The following ADAMTS12 variants were observed in gnomAD, a reference collection of about 807,000 sequenced individuals.
ADAMTS12 encodes ADAM metallopeptidase with thrombospondin type 1 motif 12.
ADAMTS12 carries 118 observed loss-of-function variants against 167.8 expected under a neutral mutation model. The ratio of observed to expected loss-of-function variants is 0.70; its 90% confidence interval spans 0.61 to 0.82. The LOEUF (loss-of-function observed/expected upper bound fraction) is 0.82. Ranked by LOEUF, ADAMTS12 falls within the 40% of genes least tolerant of loss-of-function variation. The pLI is 0.00. For synonymous variants in ADAMTS12, 704 were observed against 716.9 expected, an observed-to-expected ratio of 0.98 and a Z score of 0.29; for missense variants, 1,916 against 1,998.8, an observed-to-expected ratio of 0.96 and a Z score of 0.79.
At chr5:33,531,223 C>T (rs1744084963) in intron 23 of ADAMTS12, among the ~76,000 whole-genome samples, 1 of 152,188 alleles carries the variant, frequency 6.6e-6, no homozygotes. Flanking sequence ...CTACTAATAC[C>T]TTGATTTTGG....
At chr5:33,650,573 G>A (rs1327661085) in intron 7 of ADAMTS12, among the ~76,000 whole-genome samples, 1 of 152,140 alleles carries the variant, frequency 6.6e-6, no homozygotes, top group Non-Finnish European at 1.5e-5. Flanking sequence ...CAGATCTTTG[G>A]CTCCTAACAC....
At chr5:33,676,162 G>C (rs1176476581) in intron 5 of ADAMTS12, among the ~76,000 whole-genome samples, 1 of 152,084 alleles carries the variant, frequency 6.6e-6, no homozygotes, top group African/African-American at 2.4e-5. Context: ...AGCTGACCTA[G>C]AAGAAATCAT....
chr5:33,538,678 T>C (rs2111772758), intron 22 of ADAMTS12, among the ~76,000 whole-genome samples: 1 of 152,254 alleles, frequency 6.6e-6, no homozygotes, highest in South Asian at 2.1e-4. Flanking sequence ...CACACAGTTT[T>C]TAGAAGCCTT....
At chr5:33,783,606 C>A (rs1487506681) in intron 2 of ADAMTS12, among the ~76,000 whole-genome samples, 2 of 151,792 alleles carry the variant, frequency 1.3e-5, no homozygotes, top group Non-Finnish European at 2.9e-5. Flanking sequence ...TAATTCTGTG[C>A]CAACAAATTA....
intron 22 of ADAMTS12, among the ~76,000 whole-genome samples, chr5:33,543,479 T>C (rs556602129): frequency 6.3e-4 from 96 of 152,164 alleles, no homozygotes; most frequent in Non-Finnish European, 5.7e-4. Flanking sequence ...TTCCAATCAA[T>C]AGAAAAAGAG....
intron 3 of ADAMTS12, among the ~76,000 whole-genome samples, chr5:33,740,482 C>CT (rs1299643941): frequency 6.6e-6 from 1 of 152,136 alleles, no homozygotes; most frequent in Non-Finnish European, 1.5e-5. Flanking sequence ...TGGGTGGTTC[C>CT]CAAGGGATTG....
Position 33,534,863 on chromosome 5 carries a change from A to C in ADAMTS12, c.4576T>G (p.Cys1526Gly), listed in dbSNP as rs1744298977. The C allele has an allele frequency of 6.2e-7, 1 of 1,613,774 alleles. No individual in the cohort carries two copies. The highest frequency in any genetic ancestry group is 8.5e-7 in the Non-Finnish European group (1 of 1,179,926). ...CTTTTCTTGCAGGCCTGCTGGTTGC[A>C]TTTTTTGAATTCTGGAGGTCTGGGT... ...HKPRPPEFKK[C>G]NQQACKKSAD... The change falls in exon 23 of 24, where the codon TGC (cysteine) becomes GGC (glycine). Residue 1526 changes from cysteine (C) to glycine (G), a missense_variant. By Grantham distance (159) the Cys-to-Gly change is radical. Transcript: ENST00000504830.
At chr5:33,718,043 C>T (rs543045754) in intron 3 of ADAMTS12, among the ~76,000 whole-genome samples, 1 of 152,298 alleles carries the variant, frequency 6.6e-6, no homozygotes, top group South Asian at 2.1e-4. Context: ...TCTCACGTAG[C>T]AGGTTGAATT....
At chr5:33,757,658 A>G (rs1745213062) in intron 2 of ADAMTS12, among the ~76,000 whole-genome samples, 1 of 152,246 alleles carries the variant, frequency 6.6e-6, no homozygotes, top group Non-Finnish European at 1.5e-5. Context: ...GAAAATGGAC[A>G]AAATGGGTTC....
chr5:33,869,930 T>G (rs894649348), intron 2 of ADAMTS12, among the ~76,000 whole-genome samples: 1 of 152,172 alleles, frequency 6.6e-6, no homozygotes, highest in Non-Finnish European at 1.5e-5. Context: ...TAGACACTCA[T>G]AGAGTGGCCA....
intron 12 of ADAMTS12, among the ~76,000 whole-genome samples, chr5:33,636,306 T>C (rs1050135050): frequency 1.3e-5 from 2 of 152,128 alleles, no homozygotes; most frequent in Admixed American, 1.3e-4. Flanking sequence ...TTTTAACAAA[T>C]CAAGAATGCG....
intron 19 of ADAMTS12, among the ~76,000 whole-genome samples, chr5:33,572,490 A>T (rs1403122880): frequency 6.6e-6 from 1 of 151,008 alleles, no homozygotes; most frequent in Non-Finnish European, 1.5e-5. Context: ...AGAACCAAAG[A>T]CAAAAACCAC....
chr5:33,861,464 A>G (rs12657153), intron 2 of ADAMTS12, among the ~76,000 whole-genome samples: 4,505 of 152,304 alleles, frequency 0.03, 189 homozygotes, highest in East Asian at 0.2. Context: ...GATCAATGCA[A>G]CAAGAACAGC....
intron 2 of ADAMTS12, among the ~76,000 whole-genome samples, chr5:33,843,134 C>T (rs1196861762): frequency 6.6e-6 from 1 of 152,132 alleles, no homozygotes; most frequent in Non-Finnish European, 1.5e-5. Flanking sequence ...TAAAAGTATG[C>T]ATCTGTGTAG....
intron 15 of ADAMTS12, among the ~76,000 whole-genome samples, chr5:33,615,491 C>T (rs1361692534): frequency 6.6e-6 from 1 of 152,156 alleles, no homozygotes; most frequent in African/African-American, 2.4e-5. Context: ...AGTAACATGT[C>T]ACTTTATCCC....
intron 22 of ADAMTS12, among the ~76,000 whole-genome samples, 175 bp from the exon 23 acceptor site, chr5:33,535,167 G>C (rs902401250): frequency 6.6e-6 from 1 of 152,232 alleles, no homozygotes; most frequent in Admixed American, 6.5e-5. Context: ...TGAGTTTAGA[G>C]AGACTCTATA....
chr5:33,619,797 C>A (rs527502332), intron 14 of ADAMTS12, among the ~76,000 whole-genome samples: 1 of 152,154 alleles, frequency 6.6e-6, no homozygotes, highest in Non-Finnish European at 1.5e-5. Context: ...TGGGTTCAAG[C>A]GATTCTCCTG....
chr5:33,888,326 G>A lies in ADAMTS12; in HGVS notation c.127+3404C>T, dbSNP rs549781726. ...ACCTTGCAACGCTATTTTTATTATA[G>A]AAATTTACACATGTTGGAATGTTGT... On this transcript the variant is annotated intron_variant, in intron 1 of 23. Transcript: ENST00000504830. 1.2e-3 allele frequency among the ~76,000 whole-genome samples: 184 copies of A among 152,186 alleles called. 2 individuals are homozygous for A. In the South Asian group the frequency reaches 0.017, roughly 14 times the overall value.
At chr5:33,598,662 C>G (rs780700515) in intron 16 of ADAMTS12, among the ~76,000 whole-genome samples, 2 of 152,106 alleles carry the variant, frequency 1.3e-5, no homozygotes, top group Non-Finnish European at 2.9e-5. Context: ...TATGGTTAAC[C>G]TAGAAAATGG....
Sources: gnomAD v4.1 joint callset for allele counts (sites outside exome capture counted in the v4.1 genomes callset) on GRCh38, gnomAD v4.1.1 for gene constraint, MANE v1.5 for transcripts, NCBI Gene and HGNC (gene_info 2026-07-23, HGNC 2026-07-21) for gene names.